USO1: variants seen among roughly 807,000 people sequenced by gnomAD.
The protein encoded by USO1 is USO1 vesicle transport factor, also known as general vesicular transport factor p115.
Under a neutral mutation model 124.5 loss-of-function variants are expected in USO1, and 57 were observed. The ratio of observed to expected loss-of-function variants is 0.46; its 90% CI spans 0.37 to 0.57. USO1 has a LOEUF of 0.57. Ranked by LOEUF, USO1 falls within the 20% of genes least tolerant of loss-of-function variation. USO1 has a pLI of 0.00. For synonymous variants in USO1, 369 were observed against 362.8 expected (o/e 1.02, Z -0.19); for missense variants, 900 against 1,040.6 (o/e 0.86, Z 1.86).
chr4:75,740,349 A>G (rs1720923980), intron 1 of USO1, among the ~76,000 whole-genome samples: 1 of 152,170 alleles, frequency 6.6e-6, no homozygotes, highest in South Asian at 2.1e-4. Context: ...GTTCAGTGGC[A>G]CGACTGTGGC....
intron 3 of USO1, 49 bp downstream of exon 3, chr4:75,752,653 G>A (rs1424979133): frequency 2.5e-6 from 1 of 397,862 alleles, no homozygotes; most frequent in East Asian, 3.6e-5. Context: ...TTGAACTTTT[G>A]TTTTAGAGTC....
chr4:75,801,893 C>T (rs1306113096), intron 17 of USO1, among the ~76,000 whole-genome samples: 3 of 152,228 alleles, frequency 2.0e-5, no homozygotes, highest in African/African-American at 7.2e-5. Context: ...AGTCTCGGCT[C>T]ACTGCAACCT....
chr4:75,769,067 T>C (rs1246178551), intron 4 of USO1, among the ~76,000 whole-genome samples: 30 of 152,130 alleles, frequency 2.0e-4, no homozygotes, highest in Admixed American at 2.0e-3. Flanking sequence ...CACTCTTCCT[T>C]TTCTTTCCCC....
chr4:75,773,952 A>G (rs1452164687), intron 7 of USO1, among the ~76,000 whole-genome samples: 1 of 152,060 alleles, frequency 6.6e-6, no homozygotes, highest in Admixed American at 6.6e-5. Flanking sequence ...TTTTACCATC[A>G]TGCTATTATT....
intron 9 of USO1, among the ~76,000 whole-genome samples, chr4:75,786,191 CCT>C (rs1325512063): frequency 6.6e-6 from 1 of 152,146 alleles, no homozygotes; most frequent in Non-Finnish European, 1.5e-5. Context: ...CAAAAAATCC[CCT>C]TTCTTAGTGG....
At chr4:75,760,704 A>G (rs1195311746) in intron 4 of USO1, 5 of 394,264 alleles carry the variant, frequency 1.3e-5, no homozygotes, top group Non-Finnish European at 1.8e-5. Context: ...CTGGTAAAAA[A>G]AAAATCTGAA....
At chr4:75,774,056 T>C (rs374431016) in intron 7 of USO1, among the ~76,000 whole-genome samples, 5 of 152,208 alleles carry the variant, frequency 3.3e-5, no homozygotes, top group East Asian at 1.9e-4. Context: ...TTATAAAATA[T>C]ATAAACTGTA....
Position 75,802,880 on chromosome 4 carries a change from C to T in USO1, c.1987-1254C>T, listed in dbSNP as rs113255214. Among the ~76,000 whole-genome samples the T allele has an allele frequency of 2.2e-3, 325 of 147,528 alleles. 1 individual carries two copies. The highest frequency in any genetic ancestry group is 7.7e-3 in the African/African-American group (311 of 40,332). On this transcript the variant is annotated intron_variant, in intron 17 of 23. Coordinates refer to ENST00000514213, the MANE Select transcript of USO1 (RefSeq NM_003715.4). ...GGCAGATTACCTGAGGTCGGGAGTTCGAGACCAATCTGACCAACATGGAGA... is the reference window on the plus strand; with the variant it reads ...GGCAGATTACCTGAGGTCGGGAGTTTGAGACCAATCTGACCAACATGGAGA...
chr4:75,802,479 C>G (rs1460263815), intron 17 of USO1, among the ~76,000 whole-genome samples: 1 of 152,152 alleles, frequency 6.6e-6, no homozygotes, highest in Non-Finnish European at 1.5e-5. Context: ...TTTAAATATT[C>G]TTACCATTTA....
chr4:75,740,935 A>G (rs1392959250), intron 1 of USO1, among the ~76,000 whole-genome samples: 1 of 152,154 alleles, frequency 6.6e-6, no homozygotes, highest in African/African-American at 2.4e-5. Flanking sequence ...TGTATTTACC[A>G]ATATATATAT....
chr4:75,769,778 A>C, intron 4 of USO1, among the ~76,000 whole-genome samples: 1 of 151,712 alleles, frequency 6.6e-6, no homozygotes. Flanking sequence ...TGAGACAACA[A>C]ATACTTTAAT....
chr4:75,767,404 T>C, intron 4 of USO1: 1 of 418,752 alleles, frequency 2.4e-6, no homozygotes, highest in Non-Finnish European at 4.7e-6. Flanking sequence ...AACAATTTGA[T>C]GACTTTTGAT....
intron 1 of USO1, among the ~76,000 whole-genome samples, chr4:75,736,922 A>G (rs1368532083): frequency 2.0e-5 from 3 of 152,208 alleles, no homozygotes; most frequent in Non-Finnish European, 4.4e-5. Flanking sequence ...AATATATAGT[A>G]TTCTGTTGTT....
chr4:75,793,670 T>A lies in USO1; in HGVS notation c.1241-20T>A. 1 of 1,581,836 alleles carries A rather than the reference T, an allele frequency of 6.3e-7. No individual in the cohort carries two copies. The highest frequency in any genetic ancestry group is 1.3e-5 in the African/African-American group (1 of 74,334). The stretch of plus-strand genomic sequence containing the variant: ...GTCAAAATCTAATATATTTTTATTG[T>A]CTGCCTGCCATCTTTGTAGCAACAG... On this transcript the variant is annotated intron_variant, in intron 12 of 23. Transcript: ENST00000514213.
chr4:75,753,371 A>T (rs1721342968), intron 3 of USO1, among the ~76,000 whole-genome samples: 1 of 151,754 alleles, frequency 6.6e-6, no homozygotes, highest in Non-Finnish European at 1.5e-5. Flanking sequence ...GGTCTCTACT[A>T]AAAATAACAA....
chr4:75,790,018 G>C, intron 10 of USO1, 132 bp from the exon 11 acceptor site: 1 of 1,022,826 alleles, frequency 9.8e-7, no homozygotes, highest in Non-Finnish European at 1.3e-6. Context: ...TGCACAATGT[G>C]CACATGTACC....
At chr4:75,760,780 T>C (rs1047049347) in intron 4 of USO1, among the ~76,000 whole-genome samples, 1 of 152,200 alleles carries the variant, frequency 6.6e-6, no homozygotes, top group African/African-American at 2.4e-5. Context: ...ACATTACTAT[T>C]ATTTCTGCAG....
At chr4:75,790,060 A>AAC in intron 10 of USO1, 90 bp from the exon 11 acceptor site, 2 of 1,045,616 alleles carry the variant, frequency 1.9e-6, no homozygotes, top group Non-Finnish European at 2.5e-6. Flanking sequence ...AAAAAAAAAC[A>AAC]AAAAAAAAAG....
intron 19 of USO1, 135 bp downstream of exon 19, chr4:75,805,438 GGCTTA>G: frequency 7.8e-7 from 1 of 1,278,408 alleles, no homozygotes; most frequent in Non-Finnish European, 1.0e-6. Context: ...CAGGCACAGT[GGCTTA>G]CGCCTGTAAT....
Sources: gnomAD v4.1 joint callset for allele counts (sites outside exome capture counted in the v4.1 genomes callset) on GRCh38, gnomAD v4.1.1 for gene constraint, MANE v1.5 for transcripts, NCBI Gene and HGNC (gene_info 2026-07-23, HGNC 2026-07-21) for gene names.